Variants in TNRC18 observed in about 807,000 individuals in gnomAD.
TNRC18 encodes the protein trinucleotide repeat containing 18.
A neutral mutation model predicts 226.7 loss-of-function variants in TNRC18; 69 were observed. The observed-to-expected ratio is 0.30, with a 90% CI of 0.25 to 0.37. TNRC18 has a LOEUF of 0.37. TNRC18 is among the 10% of genes least tolerant of loss of function. The pLI is 1.00. For synonymous variants in TNRC18, 2,449 were observed against 1,927.6 expected, an observed-to-expected ratio of 1.27 and a Z score of -7.09; for missense variants, 4,754 against 4,256.6, an observed-to-expected ratio of 1.12 and a Z score of -3.25.
chr7:5,377,254 C>T lies in TNRC18; in HGVS notation c.2461+117G>A. 1 of 1,204,898 alleles carries T rather than the reference C, an allele frequency of 8.3e-7. No homozygotes were observed. Among genetic ancestry groups the T allele is most frequent in the Admixed American group, 2.9e-5 (1 of 34,702 alleles). 74.6% of individuals were successfully genotyped at this position (1,204,898 alleles called of 1,614,324 possible). ...TCCTTCTTCCGACGAATGCGGGAGG[C>T]AGGCCCAGGCCCCCCAGGAAACGGC... On this transcript the variant is annotated intron_variant, in intron 7 of 29. Coordinates refer to ENST00000430969, the MANE Select transcript of TNRC18 (RefSeq NM_001080495.3). The surrounding 1 kb of genome is among the most constrained non-coding windows in gnomAD (Gnocchi z 5.8).
chr7:5,318,784 C>T (rs1465464708), intron 24 of TNRC18, among the ~76,000 whole-genome samples: 3 of 152,104 alleles, frequency 2.0e-5, no homozygotes, highest in Middle Eastern at 6.8e-3. Flanking sequence ...GAACTATTTC[C>T]AGTCGTGAAT....
intron 18 of TNRC18, among the ~76,000 whole-genome samples, chr7:5,338,150 G>T (rs1422575888): frequency 6.6e-6 from 1 of 152,088 alleles, no homozygotes; most frequent in Admixed American, 6.6e-5. Context: ...ATGTAAAAAG[G>T]AATGTATATT....
chr7:5,391,234 T>C (rs1157744053), intron 3 of TNRC18, among the ~76,000 whole-genome samples: 1 of 151,218 alleles, frequency 6.6e-6, no homozygotes, highest in Non-Finnish European at 1.5e-5. Context: ...CCACCAAGGA[T>C]CCTCCCCGCC....
At chr7:5,325,868 C>G (rs1562495197) in intron 19 of TNRC18, among the ~76,000 whole-genome samples, 2 of 151,126 alleles carry the variant, frequency 1.3e-5, no homozygotes, top group African/African-American at 4.9e-5. Context: ...TCCTGAGTAG[C>G]TGGACTACAG....
chr7:5,345,383 C>G (rs1791067719), intron 18 of TNRC18, among the ~76,000 whole-genome samples, 179 bp downstream of exon 18: 1 of 152,214 alleles, frequency 6.6e-6, no homozygotes, highest in African/African-American at 2.4e-5. Flanking sequence ...AGATGGCAGG[C>G]CAGGGCCCCT....
intron 11 of TNRC18, among the ~76,000 whole-genome samples, chr7:5,367,220 C>T (rs1451344456): frequency 6.6e-6 from 1 of 151,854 alleles, no homozygotes; most frequent in South Asian, 2.1e-4. Flanking sequence ...CAAAAATTAG[C>T]TGGATGTGGT....
In TNRC18 at chr7:5,320,303, G is replaced by A; in HGVS notation, c.6745+15C>T. The A allele has an allele frequency of 4.5e-6, 7 of 1,542,176 alleles. No homozygotes were observed. The South Asian group carries it at 8.4e-5, about 18-fold the overall frequency. On this transcript the variant is annotated intron_variant, in intron 24 of 29. Coordinates refer to ENST00000430969, the MANE Select transcript of TNRC18 (RefSeq NM_001080495.3). ...TGTTAGGCGGCAGGGGAGAGCTGGG[G>A]AGGAGGCATCTCACCTCGGACCACA...
chr7:5,354,301 G>A (rs1792125856), intron 16 of TNRC18, among the ~76,000 whole-genome samples: 2 of 151,922 alleles, frequency 1.3e-5, no homozygotes, highest in South Asian at 4.2e-4. Flanking sequence ...GCACCCCAGA[G>A]ACATCAGAGA....
chr7:5,388,192 G>T lies in TNRC18; in HGVS notation c.1632C>A (p.Ala544=). The T allele has an allele frequency of 1.3e-6, 2 of 1,589,938 alleles. No individual in the cohort carries two copies. The highest frequency in any genetic ancestry group is 1.7e-6 in the Non-Finnish European group (2 of 1,169,850). The change falls in exon 5 of 30, where the codon GCC becomes GCA. Residue 544 remains alanine (A), a synonymous_variant. Transcript: ENST00000430969. The stretch of plus-strand genomic sequence containing the variant: ...CCAGGTAGGCCTTCTTGGAGGAGGA[G>T]GCAGCGACCACGGCGGCCTCCTCTT... ...RAEEEAAVVA[A]SSSKKAYLDP...
chr7:5,406,621 C>T (rs950745521), intron 2 of TNRC18, among the ~76,000 whole-genome samples: 1 of 152,116 alleles, frequency 6.6e-6, no homozygotes, highest in African/African-American at 2.4e-5. Flanking sequence ...AAGGCAGAAG[C>T]GGGCGGATCA....
intron 10 of TNRC18, among the ~76,000 whole-genome samples, chr7:5,373,111 T>C (rs886329812): frequency 3.3e-5 from 5 of 152,112 alleles, no homozygotes; most frequent in Non-Finnish European, 5.9e-5. Context: ...TGAGCCAAGA[T>C]TGCCCGACTG....
chr7:5,321,023 G>T, intron 22 of TNRC18, 50 bp downstream of exon 22: 2 of 1,339,640 alleles, frequency 1.5e-6, no homozygotes, highest in South Asian at 1.3e-5. Flanking sequence ...CCGGGACACG[G>T]GGCGGGTATG....
At chr7:5,385,115 G>T (rs1046824496) in intron 5 of TNRC18, among the ~76,000 whole-genome samples, 1 of 152,258 alleles carries the variant, frequency 6.6e-6, no homozygotes, top group Non-Finnish European at 1.5e-5. Context: ...TGTGCAGGAA[G>T]TGGGAAGGGC....
chr7:5,391,107 GGC>G (rs1780265012), intron 3 of TNRC18, among the ~76,000 whole-genome samples: 2 of 152,020 alleles, frequency 1.3e-5, no homozygotes, highest in Non-Finnish European at 2.9e-5. Flanking sequence ...GCCTAACACA[GGC>G]CCTTTCTCTG....
rs1389095957 is a variant in TNRC18, at chr7:5,307,980, CCCCATGCACACGCCTGCAGGAGCGCT to C, written c.*100_*125del. 1.1e-5 allele frequency: 9 copies of C among 843,956 alleles called. No homozygotes were observed. Among genetic ancestry groups the C allele is most frequent in the East Asian group, 2.7e-5 (1 of 37,426 alleles). 52.3% of individuals were successfully genotyped at this position (843,956 alleles called of 1,614,324 possible). On this transcript the variant is annotated 3_prime_UTR_variant, in exon 30 of 30. Coordinates refer to ENST00000430969, the MANE Select transcript of TNRC18 (RefSeq NM_001080495.3). ...CCCGGGCATCCACGTGCACACCTGG[CCCCATGCACACGCCTGCAGGAGCGCT>C]CGCATGCACACAACGCACGTGGTCT...
At chr7:5,378,147 C>T (rs1779138117) in intron 5 of TNRC18, 123 bp from the exon 6 acceptor site, 1 of 674,368 alleles carries the variant, frequency 1.5e-6, no homozygotes, top group South Asian at 1.8e-5. Context: ...CACAGCCATC[C>T]GTGTAGTGCC....
At chr7:5,329,557 C>T (rs751410470) in intron 19 of TNRC18, among the ~76,000 whole-genome samples, 1 of 151,628 alleles carries the variant, frequency 6.6e-6, no homozygotes, top group Admixed American at 6.6e-5. Context: ...GTGGTGGGCA[C>T]CTGTAATCTC....
rs763585439 is a variant in TNRC18, at chr7:5,371,070, A to C, written c.3524T>G (p.Leu1175Arg). ...MDEGPTELPP[L>R]ESPLPLPAAE... The stretch of plus-strand genomic sequence containing the variant: ...GGCGGGCAGTGGCAGCGGCGACTCC[A>C]GAGGCGGCAGCTCTGTGGGGCCCTC... Residue 1175 changes from leucine to arginine, a missense_variant, in exon 11 of 30, where the codon CTG becomes CGG. Leu to Arg is a moderately radical substitution (Grantham distance 102). Coordinates refer to ENST00000430969, the MANE Select transcript of TNRC18 (RefSeq NM_001080495.3). 2 of 1,611,490 alleles carry C rather than the reference A, an allele frequency of 1.2e-6. No homozygotes were observed. Among genetic ancestry groups the C allele is most frequent in the South Asian group, 1.1e-5 (1 of 91,056 alleles).
chr7:5,395,814 A>G (rs1780638459), intron 2 of TNRC18, among the ~76,000 whole-genome samples: 1 of 152,094 alleles, frequency 6.6e-6, no homozygotes, highest in Non-Finnish European at 1.5e-5. Context: ...ACATGGTGAA[A>G]CCCCGCCCCT....
Sources: allele counts gnomAD v4.1 joint callset (sites outside exome capture counted in the v4.1 genomes callset), GRCh38; gene constraint gnomAD v4.1.1; non-coding constraint Gnocchi (gnomAD v3.1); transcripts MANE v1.5; gene names NCBI Gene and HGNC (gene_info 2026-07-23, HGNC 2026-07-21).